Variants in ARNT2 observed in about 807,000 individuals in gnomAD.
ARNT2 encodes ARNT protein 2.
ARNT2 carries 36 observed loss-of-function variants against 91.7 expected under a neutral mutation model. The ratio of observed to expected loss-of-function variants is 0.39; its 90% CI spans 0.30 to 0.52. The LOEUF is 0.52. Among genes scored for constraint, ARNT2 ranks in the 20% least tolerant of loss-of-function variants. ARNT2 has a pLI of 0.72. For synonymous variants in ARNT2, 365 were observed against 347.1 expected, an observed-to-expected ratio of 1.05 and a Z score of -0.57; for missense variants, 775 against 939.3, an observed-to-expected ratio of 0.83 and a Z score of 2.29.
intron 11 of ARNT2, among the ~76,000 whole-genome samples, chr15:80,562,175 A>G (rs1379271534): frequency 1.3e-5 from 2 of 151,852 alleles, no homozygotes; most frequent in Non-Finnish European, 1.5e-5. Context: ...CCTGGATTCA[A>G]GCGATTCTCA....
At chr15:80,551,060 A>T in intron 8 of ARNT2, 139 bp from the exon 9 acceptor site, 1 of 721,486 alleles carries the variant, frequency 1.4e-6, no homozygotes, top group Non-Finnish European at 2.4e-6. Context: ...GGAACTGGTT[A>T]ATTCATTGGC....
intron 8 of ARNT2, among the ~76,000 whole-genome samples, chr15:80,546,693 G>A (rs1359071700): frequency 1.3e-5 from 2 of 152,102 alleles, no homozygotes; most frequent in East Asian, 1.9e-4. Context: ...GGCTGGGCGC[G>A]GTGGCTCATG....
intron 3 of ARNT2, among the ~76,000 whole-genome samples, chr15:80,463,655 T>C (rs1227218132): frequency 6.6e-6 from 1 of 150,746 alleles, no homozygotes; most frequent in Non-Finnish European, 1.5e-5. Flanking sequence ...CTCGGTTCAC[T>C]GCAATGTCTG....
intron 8 of ARNT2, among the ~76,000 whole-genome samples, chr15:80,546,940 G>T (rs1031868195): frequency 3.3e-5 from 5 of 151,674 alleles, no homozygotes; most frequent in African/African-American, 1.2e-4. Flanking sequence ...TCCAGCCTGG[G>T]CGACAGAGTG....
intron 3 of ARNT2, among the ~76,000 whole-genome samples, chr15:80,468,831 G>A (rs1190310449): frequency 1.3e-5 from 2 of 152,318 alleles, no homozygotes; most frequent in Non-Finnish European, 2.9e-5. Context: ...GGGTCTGGAA[G>A]GTTCATGGTG....
chr15:80,416,696 C>T (rs1895790612), intron 1 of ARNT2, among the ~76,000 whole-genome samples: 1 of 152,018 alleles, frequency 6.6e-6, no homozygotes, highest in South Asian at 2.1e-4. Flanking sequence ...AGTTATTTTG[C>T]AAAATATCTC....
At chr15:80,438,171 T>C (rs1253017405) in intron 1 of ARNT2, among the ~76,000 whole-genome samples, 1 of 152,212 alleles carries the variant, frequency 6.6e-6, no homozygotes, top group Non-Finnish European at 1.5e-5. Context: ...AAAGTTAAAC[T>C]CTAAGTCAGA....
chr15:80,582,220 C>T (rs749938256), intron 17 of ARNT2, among the ~76,000 whole-genome samples: 3 of 151,568 alleles, frequency 2.0e-5, no homozygotes, highest in Non-Finnish European at 4.4e-5. Flanking sequence ...AGGCAGGGCG[C>T]GGTGACTCAC....
chr15:80,453,891 C>T (rs1056440742), intron 2 of ARNT2, among the ~76,000 whole-genome samples: 12 of 152,162 alleles, frequency 7.9e-5, no homozygotes, highest in African/African-American at 2.9e-4. Flanking sequence ...CCACTCTGAC[C>T]TGATTATTCT....
intron 1 of ARNT2, among the ~76,000 whole-genome samples, chr15:80,443,731 T>C (rs1226487929): frequency 1.3e-5 from 2 of 152,018 alleles, no homozygotes; most frequent in Non-Finnish European, 1.5e-5. Context: ...GCGAAAATGC[T>C]TGAGACAGAG....
chr15:80,431,754 G>T (rs1307060062), intron 1 of ARNT2, among the ~76,000 whole-genome samples: 1 of 152,192 alleles, frequency 6.6e-6, no homozygotes, highest in East Asian at 1.9e-4. Flanking sequence ...CTCATTAGGG[G>T]ACACTGGCCT....
chr15:80,446,666 G>A (rs1817073816), intron 1 of ARNT2, among the ~76,000 whole-genome samples: 1 of 152,224 alleles, frequency 6.6e-6, no homozygotes. Context: ...TTCCTAATCT[G>A]TAAAATGGGA....
At position 80,512,292 on chromosome 15, in the gene ARNT2, C is replaced by T. The variant is rs540656691; in HGVS notation, c.726-1619C>T. On this transcript the variant is annotated intron_variant, in intron 6 of 18. Transcript: ENST00000303329. ...GGCAGAGACCATTTGTTCTGTTTTA[C>T]GAGAAATGGCCCTTCAGGGATTTGA... Among the ~76,000 whole-genome samples the T allele has an allele frequency of 1.4e-4, 22 of 152,318 alleles. No individual in the cohort carries two copies. The South Asian group carries it at 1.7e-3, about 11-fold the overall frequency.
chr15:80,538,684 A>G (rs891036984), intron 8 of ARNT2, among the ~76,000 whole-genome samples: 1 of 152,138 alleles, frequency 6.6e-6, no homozygotes, highest in African/African-American at 2.4e-5. Context: ...TAATGAAAAT[A>G]GAAAAAGAAT....
At chr15:80,492,143 T>C (rs912720497) in intron 5 of ARNT2, among the ~76,000 whole-genome samples, 1 of 152,038 alleles carries the variant, frequency 6.6e-6, no homozygotes, top group Non-Finnish European at 1.5e-5. Context: ...CAGGCTGAAG[T>C]GATCTTCCCA....
Position 80,442,819 on chromosome 15 carries a change from T to A in ARNT2, c.32-8061T>A, listed in dbSNP as rs1233458615. 3 of 984,878 alleles carry A rather than the reference T, an allele frequency of 3.0e-6. No homozygotes were observed. The African/African-American group carries it at 5.2e-5, about 17-fold the overall frequency. 61.0% of individuals were successfully genotyped at this position (984,878 alleles called of 1,614,324 possible). ...CATATTTTTCTTCTGTCTCTAAAAT[T>A]TTTTTTGCCCTATACAGTGTAGGAG... On this transcript the variant is annotated intron_variant, in intron 1 of 18. Coordinates refer to ENST00000303329, the MANE Select transcript of ARNT2 (RefSeq NM_014862.4).
Position 80,404,871 on chromosome 15 carries a change from A to G in ARNT2, c.31+325A>G, listed in dbSNP as rs1381663197. On this transcript the variant is annotated intron_variant, in intron 1 of 18. Transcript: ENST00000303329. This position sits in a 1 kb window ranked among gnomAD's most constrained non-coding sequence, Gnocchi z 5.5. ...TAACCGCCTTTGCCTTCCCCATCCC[A>G]CGCATTTTTCTCTTCCGGTCCCGGC... Among the ~76,000 whole-genome samples the G allele has an allele frequency of 6.6e-6, 1 of 151,692 alleles. No homozygotes were observed. Among genetic ancestry groups the G allele is most frequent in the Non-Finnish European group, 1.5e-5 (1 of 67,858 alleles).
At chr15:80,433,201 T>TC (rs1896034480) in intron 1 of ARNT2, among the ~76,000 whole-genome samples, 2 of 150,432 alleles carry the variant, frequency 1.3e-5, no homozygotes, top group Admixed American at 1.3e-4. Flanking sequence ...TGCCCACATT[T>TC]TTTTTCCTTT....
chr15:80,489,883 G>A (rs947460288), intron 5 of ARNT2, among the ~76,000 whole-genome samples: 11 of 152,202 alleles, frequency 7.2e-5, no homozygotes, highest in African/African-American at 2.4e-4. Flanking sequence ...GACCAGTTGG[G>A]TGATCTTGGA....
Sources: allele counts gnomAD v4.1 joint callset (sites outside exome capture counted in the v4.1 genomes callset), GRCh38; gene constraint gnomAD v4.1.1; non-coding constraint Gnocchi (gnomAD v3.1); transcripts MANE v1.5; gene names NCBI Gene and HGNC (gene_info 2026-07-23, HGNC 2026-07-21).